Variants in KCNH7 observed in about 807,000 individuals in gnomAD.
The protein encoded by KCNH7 is potassium voltage-gated channel subfamily H member 7.
KCNH7 carries 49 observed loss-of-function variants against 120.8 expected under a neutral mutation model. That is an observed-to-expected ratio of 0.41 (90% CI 0.32 to 0.51). KCNH7 has a LOEUF of 0.51. Among genes scored for constraint, KCNH7 ranks in the 20% least tolerant of loss-of-function variants. The pLI, the probability that KCNH7 is intolerant of heterozygous loss-of-function variation, is 0.38. For missense variants in KCNH7, 1,097 were observed against 1,446.6 expected, an observed-to-expected ratio of 0.76 and a Z score of 3.92; for synonymous variants, 547 against 516.1, an observed-to-expected ratio of 1.06 and a Z score of -0.81.
intron 6 of KCNH7, among the ~76,000 whole-genome samples, chr2:162,453,298 C>CT (rs944941569): frequency 1.2e-4 from 19 of 152,258 alleles, no homozygotes; most frequent in African/African-American, 4.3e-4. Flanking sequence ...TGATCTCATT[C>CT]TTTTTTATGG....
intron 7 of KCNH7, 38 bp downstream of exon 7, chr2:162,445,980 C>T (rs1573967340): frequency 1.4e-6 from 2 of 1,480,098 alleles, no homozygotes; most frequent in South Asian, 1.3e-5. Flanking sequence ...TTTATAATTG[C>T]AATCTTTCAG....
intron 2 of KCNH7, among the ~76,000 whole-genome samples, chr2:162,724,628 C>A (rs1439784771): frequency 6.8e-6 from 1 of 146,660 alleles, no homozygotes; most frequent in Non-Finnish European, 1.5e-5. Flanking sequence ...GCCGAGATCG[C>A]GCCACTGCAC....
intron 6 of KCNH7, among the ~76,000 whole-genome samples, chr2:162,466,166 C>A (rs1689297915): frequency 6.6e-6 from 1 of 152,094 alleles, no homozygotes; most frequent in African/African-American, 2.4e-5. Flanking sequence ...CTAAAAATGG[C>A]ACAAGAGAGA....
chr2:162,403,703 C>T (rs889314573), intron 9 of KCNH7, among the ~76,000 whole-genome samples: 8 of 151,938 alleles, frequency 5.3e-5, no homozygotes, highest in African/African-American at 1.9e-4. Context: ...TAGCCCTTAA[C>T]AGATTTTCTT....
In KCNH7 at chr2:162,434,509, T is replaced by TA. The variant is rs551368615; in HGVS notation, c.1954+688dup. Reference sequence around the variant, plus strand: ...ACCTTCAGTGGCTCCGCAGCGTTATTAAAAAATACATGTTAATATTAAAAC... The same window carrying TA: ...ACCTTCAGTGGCTCCGCAGCGTTATTAAAAAAATACATGTTAATATTAAAAC... On this transcript the variant is annotated intron_variant, in intron 8 of 15. Coordinates refer to ENST00000332142, the MANE Select transcript of KCNH7 (RefSeq NM_033272.4). Among the ~76,000 whole-genome samples the TA allele has an allele frequency of 7.2e-3, 1,103 of 152,208 alleles. 10 individuals carry two copies. The highest frequency in any genetic ancestry group is 9.5e-3 in the Non-Finnish European group (648 of 68,006).
chr2:162,515,744 C>T (rs1691264094), intron 4 of KCNH7, among the ~76,000 whole-genome samples: 1 of 151,706 alleles, frequency 6.6e-6, no homozygotes. Context: ...GGGATATGGC[C>T]TTAGATGATT....
intron 2 of KCNH7, among the ~76,000 whole-genome samples, chr2:162,600,621 A>C: frequency 6.6e-6 from 1 of 151,920 alleles, no homozygotes; most frequent in Non-Finnish European, 1.5e-5. Flanking sequence ...TCTGTATTAA[A>C]CAGATCTACA....
At chr2:162,586,330 G>A (rs936737227) in intron 2 of KCNH7, among the ~76,000 whole-genome samples, 4 of 152,038 alleles carry the variant, frequency 2.6e-5, no homozygotes, top group Admixed American at 6.6e-5. Flanking sequence ...CCTTTGGAAC[G>A]TTGAGAGCAC....
intron 2 of KCNH7, among the ~76,000 whole-genome samples, chr2:162,575,763 C>A (rs1013398719): frequency 2.0e-5 from 3 of 151,956 alleles, no homozygotes; most frequent in Non-Finnish European, 2.9e-5. Flanking sequence ...TGTGAATTAA[C>A]CAGAAAAACT....
chr2:162,524,136 T>C (rs1327681970), intron 3 of KCNH7, among the ~76,000 whole-genome samples: 1 of 151,980 alleles, frequency 6.6e-6, no homozygotes, highest in African/African-American at 2.4e-5. Context: ...AGTACTCTCA[T>C]GGGTTATGGC....
Position 162,372,218 on chromosome 2 carries a change from A to G in KCNH7, c.3325-123T>C, listed in dbSNP as rs1181791281. ...TAATCTATATTTGATTAGTGATATT[A>G]GCCAACATTTCCCTCCTAAAATGAG... On this transcript the variant is annotated intron_variant, in intron 15 of 15. Transcript: ENST00000332142. 5.2e-6 allele frequency: 4 copies of G among 776,092 alleles called. No individual in the cohort carries two copies. In the East Asian group the frequency reaches 1.1e-4, roughly 21 times the overall value. The allele number at this position is 776,092 out of a possible 1,614,324, so 48.1% of individuals were successfully genotyped here. A position where few individuals can be genotyped will look rare whatever the true frequency, so the allele number is the denominator to read the frequency against.
At chr2:162,790,977 A>T (rs2105517642) in intron 2 of KCNH7, among the ~76,000 whole-genome samples, 1 of 152,248 alleles carries the variant, frequency 6.6e-6, no homozygotes. Context: ...TGAAAATATT[A>T]GGCAAGGAAA....
chr2:162,504,802 G>A, intron 5 of KCNH7, 145 bp from the exon 6 acceptor site: 1 of 613,314 alleles, frequency 1.6e-6, no homozygotes, highest in South Asian at 2.0e-5. Flanking sequence ...CTGGACACAG[G>A]GCTTAGGGTC....
intron 6 of KCNH7, chr2:162,502,123 T>G (rs2105747257): frequency 6.6e-6 from 1 of 152,204 alleles, no homozygotes; most frequent in African/African-American, 2.4e-5. Flanking sequence ...TCATATGGAC[T>G]TTACTGCTTT....
chr2:162,419,127 C>T (rs1476265280), intron 9 of KCNH7, among the ~76,000 whole-genome samples: 1 of 151,576 alleles, frequency 6.6e-6, no homozygotes, highest in Non-Finnish European at 1.5e-5. Flanking sequence ...ATACCTTCAC[C>T]CCTTCTCTTT....
intron 2 of KCNH7, among the ~76,000 whole-genome samples, chr2:162,675,637 A>G (rs1245929431): frequency 6.6e-6 from 1 of 151,486 alleles, no homozygotes; most frequent in Non-Finnish European, 1.5e-5. Flanking sequence ...GATGCAATAT[A>G]TTACCACTGA....
intron 8 of KCNH7, among the ~76,000 whole-genome samples, chr2:162,431,548 T>G (rs1171289645): frequency 6.6e-6 from 1 of 151,988 alleles, no homozygotes; most frequent in Non-Finnish European, 1.5e-5. Flanking sequence ...TGACATAATA[T>G]GTCATGGTGC....
At chr2:162,703,880 G>C (rs2105347396) in intron 2 of KCNH7, among the ~76,000 whole-genome samples, 1 of 152,186 alleles carries the variant, frequency 6.6e-6, no homozygotes, top group South Asian at 2.1e-4. Context: ...CAAAATGGCA[G>C]AAACAGAAGA....
At chr2:162,709,274 A>G (rs16847191) in intron 2 of KCNH7, among the ~76,000 whole-genome samples, 27,777 of 152,070 alleles carry the variant, frequency 0.18, 3,221 homozygotes, top group East Asian at 0.42. Context: ...AGCTCAGAGT[A>G]GGCATGATAC....
Sources: gnomAD v4.1 joint callset for allele counts (sites outside exome capture counted in the v4.1 genomes callset) on GRCh38, gnomAD v4.1.1 for gene constraint, MANE v1.5 for transcripts, NCBI Gene and HGNC (gene_info 2026-07-23, HGNC 2026-07-21) for gene names.